SPIN1: variants seen among roughly 807,000 people sequenced by gnomAD.
SPIN1 encodes the protein spindlin 1.
Under a neutral mutation model 26.0 loss-of-function variants are expected in SPIN1, and 3 were observed. The ratio of observed to expected loss-of-function variants is 0.12; its 90% CI spans 0.05 to 0.30. SPIN1 has a LOEUF of 0.30. SPIN1 is among the 10% of genes least tolerant of loss of function. The pLI is 1.00. For synonymous variants in SPIN1, 101 were observed against 116.5 expected (o/e 0.87, Z 0.86); for missense variants, 126 against 333.4 (o/e 0.38, Z 4.84).
intron 1 of SPIN1, chr9:88,389,296 A>G (rs966044758): frequency 6.6e-6 from 1 of 152,206 alleles, no homozygotes; most frequent in African/African-American, 2.4e-5. Flanking sequence ...CCTTGGGTGT[A>G]TTCGTCAAGG....
chr9:88,398,799 C>G (rs1254905929), intron 1 of SPIN1, among the ~76,000 whole-genome samples: 1 of 151,944 alleles, frequency 6.6e-6, no homozygotes, highest in East Asian at 1.9e-4. Flanking sequence ...GTCTTGAACT[C>G]CCCACCTCAG....
chr9:88,453,592 A>C (rs1828406117), intron 3 of SPIN1, among the ~76,000 whole-genome samples: 1 of 151,454 alleles, frequency 6.6e-6, no homozygotes, highest in South Asian at 2.1e-4. Flanking sequence ...ACTGGAGTGC[A>C]GTCGGCTCAC....
chr9:88,443,522 G>A (rs1828183076), intron 2 of SPIN1, among the ~76,000 whole-genome samples: 1 of 152,144 alleles, frequency 6.6e-6, no homozygotes, highest in Non-Finnish European at 1.5e-5. Context: ...CCTGGTCTGG[G>A]TGAAATTAAC....
intron 1 of SPIN1, among the ~76,000 whole-genome samples, chr9:88,397,931 G>T (rs1827100836): frequency 6.6e-6 from 1 of 151,404 alleles, no homozygotes; most frequent in Non-Finnish European, 1.5e-5. Context: ...GCCTGAAGTT[G>T]TTTTTTTGAG....
intron 1 of SPIN1, among the ~76,000 whole-genome samples, chr9:88,398,774 A>G (rs1461882290): frequency 2.6e-5 from 4 of 151,768 alleles, no homozygotes; most frequent in African/African-American, 9.7e-5. Context: ...GGGTTTCTCC[A>G]TGTTGGTCAG....
chr9:88,457,641 T>G (rs1396079303), intron 3 of SPIN1: 1 of 173,376 alleles, frequency 5.8e-6, no homozygotes, highest in African/African-American at 2.4e-5. Flanking sequence ...ATGAAAGTTT[T>G]TTTTTTCTCT....
intron 1 of SPIN1, among the ~76,000 whole-genome samples, chr9:88,406,701 C>T (rs1827318139): frequency 6.6e-6 from 1 of 152,128 alleles, no homozygotes; most frequent in Non-Finnish European, 1.5e-5. Flanking sequence ...TTAATAAGTA[C>T]TTTCTGCCTA....
Position 88,476,223 on chromosome 9 carries a change from A to T in SPIN1, c.*946A>T, listed in dbSNP as rs1828887102. The T allele has an allele frequency of 1.3e-5, 2 of 152,306 alleles. No individual in the cohort carries two copies. Among genetic ancestry groups the T allele is most frequent in the South Asian group, 2.1e-4 (1 of 4,824 alleles). 9.4% of individuals were successfully genotyped at this position (152,306 alleles called of 1,614,324 possible). On this transcript the variant is annotated 3_prime_UTR_variant, in exon 6 of 6. Coordinates refer to ENST00000375859, the MANE Select transcript of SPIN1 (RefSeq NM_006717.3). ...CAGTAATCTGGATTTCAGTACATGG[A>T]TTTAAAAGGCAACAATCCATCACTG...
intron 5 of SPIN1, 23 bp from the exon 6 acceptor site, chr9:88,475,047 CTTTTTTTT>C (rs11320023): frequency 2.1e-3 from 1,800 of 841,430 alleles, no homozygotes; most frequent in Middle Eastern, 0.012. Flanking sequence ...CTCTCTCTCT[CTTTTTTTT>C]TTTTTTTTTT....
At chr9:88,402,669 A>C (rs1292332886) in intron 1 of SPIN1, among the ~76,000 whole-genome samples, 1 of 152,140 alleles carries the variant, frequency 6.6e-6, no homozygotes, top group Non-Finnish European at 1.5e-5. Flanking sequence ...ATAGCATTCC[A>C]TTGTGTATAC....
chr9:88,448,178 G>A (rs1016904710), intron 2 of SPIN1, among the ~76,000 whole-genome samples: 1 of 151,370 alleles, frequency 6.6e-6, no homozygotes, highest in African/African-American at 2.4e-5. Context: ...CAAGTAGTTG[G>A]GATTACAGGC....
In SPIN1 at chr9:88,394,493, TCA is replaced by T. The variant is rs1230053640; in HGVS notation, c.-159+5958_-159+5959del. Among the ~76,000 whole-genome samples, 9 of 152,334 alleles carry T rather than the reference TCA, an allele frequency of 5.9e-5. No homozygotes were observed. The South Asian group carries it at 1.9e-3, about 32-fold the overall frequency. On this transcript the variant is annotated intron_variant, in intron 1 of 5. Coordinates refer to ENST00000375859, the MANE Select transcript of SPIN1 (RefSeq NM_006717.3). ...TGGTATTTCCAGTTCGAATTTAACA[TCA>T]CAGAGTTTTTACTATGAGCTTATCC... is the stretch of plus-strand genomic sequence containing the variant.
intron 3 of SPIN1, among the ~76,000 whole-genome samples, chr9:88,452,123 GAC>G (rs1408376838): frequency 1.3e-5 from 2 of 152,094 alleles, no homozygotes; most frequent in Non-Finnish European, 2.9e-5. Flanking sequence ...CATTTTATAA[GAC>G]ACAAATATTA....
intron 5 of SPIN1, among the ~76,000 whole-genome samples, chr9:88,473,721 T>C (rs1828837430): frequency 6.6e-6 from 1 of 152,120 alleles, no homozygotes; most frequent in Non-Finnish European, 1.5e-5. Flanking sequence ...TCTAATGATT[T>C]CTGAAAGGGT....
intron 1 of SPIN1, among the ~76,000 whole-genome samples, chr9:88,397,201 T>C (rs538601718): frequency 6.6e-6 from 1 of 152,320 alleles, no homozygotes; most frequent in Admixed American, 6.5e-5. Flanking sequence ...TTTTTAACTT[T>C]TTTTTAAACT....
chr9:88,468,686 T>G, intron 5 of SPIN1, 81 bp downstream of exon 5: 1 of 868,664 alleles, frequency 1.2e-6, no homozygotes, highest in Non-Finnish European at 1.6e-6. Context: ...TTGGCTCTTT[T>G]GCAGATACAT....
At chr9:88,466,540 G>A (rs1460387615) in intron 4 of SPIN1, among the ~76,000 whole-genome samples, 1 of 152,092 alleles carries the variant, frequency 6.6e-6, no homozygotes, top group Non-Finnish European at 1.5e-5. Flanking sequence ...TTTTTTTACT[G>A]TCATACACGG....
intron 1 of SPIN1, among the ~76,000 whole-genome samples, chr9:88,408,253 C>T (rs1827351688): frequency 6.9e-6 from 1 of 144,010 alleles, no homozygotes; most frequent in Non-Finnish European, 1.5e-5. Context: ...TCTGCTATCC[C>T]CCCTTTACCC....
chr9:88,478,641 T>C lies in SPIN1; in HGVS notation c.*3364T>C, dbSNP rs886697042. On this transcript the variant is annotated 3_prime_UTR_variant, in exon 6 of 6. Transcript: ENST00000375859. ...ATTCTGTAAGTAATTTTTATAATTA[T>C]GATGTAACTCTATCTTATCCTTAAA... 28 of 152,232 alleles carry C rather than the reference T, an allele frequency of 1.8e-4. No homozygotes were observed. Among genetic ancestry groups the C allele is most frequent in the African/African-American group, 6.5e-4 (27 of 41,470 alleles). 9.4% of individuals were successfully genotyped at this position (152,232 alleles called of 1,614,324 possible).
Sources: gnomAD v4.1 joint callset for allele counts (sites outside exome capture counted in the v4.1 genomes callset) on GRCh38, gnomAD v4.1.1 for gene constraint, MANE v1.5 for transcripts, NCBI Gene and HGNC (gene_info 2026-07-23, HGNC 2026-07-21) for gene names.